Variants in ZBTB1 observed in about 807,000 individuals in gnomAD.
ZBTB1 encodes the protein zinc finger and BTB domain containing 1, also known as zinc finger and BTB domain-containing protein 1.
Under a neutral mutation model 51.6 loss-of-function variants are expected in ZBTB1, and 13 were observed. The observed-to-expected ratio is 0.25, with a 90% CI of 0.16 to 0.40. ZBTB1 has a LOEUF of 0.40. Among genes scored for constraint, ZBTB1 ranks in the 10% least tolerant of loss-of-function variants. The pLI is 1.00. For missense variants in ZBTB1, 567 were observed against 856.5 expected, an observed-to-expected ratio of 0.66 and a Z score of 4.22; for synonymous variants, 240 against 282.2, an observed-to-expected ratio of 0.85 and a Z score of 1.50.
chr14:64,530,544 T>C (rs558589176), intron 2 of ZBTB1, among the ~76,000 whole-genome samples: 2 of 151,914 alleles, frequency 1.3e-5, no homozygotes, highest in South Asian at 4.2e-4. Flanking sequence ...GAGATGGAGG[T>C]TGCACTGAGC....
downstream of ZBTB1, among the ~76,000 whole-genome samples, chr14:64,525,377 C>G (rs1270878151): frequency 6.6e-6 from 1 of 152,122 alleles, no homozygotes; most frequent in Admixed American, 6.5e-5. Flanking sequence ...TACTTAGATA[C>G]AATAGTTTAT....
intron 1 of ZBTB1, among the ~76,000 whole-genome samples, chr14:64,514,688 A>G (rs2079761539): frequency 6.6e-6 from 1 of 152,256 alleles, no homozygotes; most frequent in Admixed American, 6.5e-5. Flanking sequence ...AAGCCACATT[A>G]CAGATAAAGA....
chr14:64,503,770 G>T, upstream of ZBTB1: 1 of 263,064 alleles, frequency 3.8e-6, no homozygotes, highest in South Asian at 1.4e-4. Flanking sequence ...GCCGCCTCTC[G>T]CGCGGCTTCC....
chr14:64,505,521 T>A (rs963948210), intron 1 of ZBTB1, among the ~76,000 whole-genome samples: 1 of 152,254 alleles, frequency 6.6e-6, no homozygotes, highest in African/African-American at 2.4e-5. Flanking sequence ...GGAAAAGATC[T>A]GTTTCTTGGG....
In ZBTB1 at chr14:64,513,821, C is replaced by T. The variant is rs139308052; in HGVS notation, c.-18-7666C>T. On this transcript the variant is annotated intron_variant, in intron 1 of 1. Transcript: ENST00000683701. ...GATTACAGGCATCCACTATCATGCC[C>T]GGCTGATTTTTGTATTTTTGTAGAG... Among the ~76,000 whole-genome samples, 1,321 of 152,252 alleles carry T rather than the reference C, an allele frequency of 8.7e-3. 24 individuals carry two copies. Among genetic ancestry groups the T allele is most frequent in the African/African-American group, 0.03 (1,243 of 41,540 alleles).
exon 3 of ZBTB1, chr14:64,532,587 A>G (rs1330346256): frequency 1.3e-5 from 2 of 152,156 alleles, no homozygotes; most frequent in African/African-American, 4.8e-5. Flanking sequence ...GAGAACAGAA[A>G]TGGTATTACT....
At chr14:64,508,909 A>G (rs2079693967) in intron 1 of ZBTB1, among the ~76,000 whole-genome samples, 1 of 152,232 alleles carries the variant, frequency 6.6e-6, no homozygotes, top group African/African-American at 2.4e-5. Flanking sequence ...CCTGATGTCA[A>G]GGAGCTTGCA....
Position 64,521,512 on chromosome 14 carries a change from A to C in ZBTB1, c.8A>C (p.Lys3Thr). 6.3e-7 allele frequency: 1 copy of C among 1,598,182 alleles called. No individual in the cohort carries two copies. The highest frequency in any genetic ancestry group is 2.2e-5 in the East Asian group (1 of 44,748). ...GTCTCTAATTAACAGAAGATGGCAA[A>C]GCCCAGCCACAGCAGCTATGTCCTT... MA[K>T]PSHSSYVLQQ... Residue 3 changes from lysine (K) to threonine (T), a missense_variant, in exon 2 of 2, where the codon AAG becomes ACG. Around this residue, in one of 5 missense-constraint regions of ZBTB1, gnomAD observed 69 missense variants for 136.4 expected, o/e 0.51. Coordinates refer to ENST00000683701, the MANE Select transcript of ZBTB1 (RefSeq NM_001123329.2).
chr14:64,513,911 C>T (rs1340919835), intron 1 of ZBTB1, among the ~76,000 whole-genome samples: 1 of 152,210 alleles, frequency 6.6e-6, no homozygotes, highest in Non-Finnish European at 1.5e-5. Flanking sequence ...CCACCCACCT[C>T]AGCCTCCCAA....
rs1287174773 is a variant in ZBTB1 at position 64,522,538 on chromosome 14, T to G, written c.1034T>G (p.Ile345Ser). The change falls in exon 2 of 2, where the codon ATT becomes AGT. Residue 345 changes from isoleucine (I) to serine (S), a missense_variant. Physicochemically the swap from Ile to Ser is moderately radical, Grantham distance 142. Coordinates refer to ENST00000683701, the MANE Select transcript of ZBTB1 (RefSeq NM_001123329.2). Reference sequence around the variant, plus strand: ...GATGAACTGAAAGACTTTAACATTATTAAAGTTACTGATAAAGACTGTAAT... The same window carrying G: ...GATGAACTGAAAGACTTTAACATTAGTAAAGTTACTGATAAAGACTGTAAT... ...PTDELKDFNIIKVTDKDCNES... is the reference protein window; with the variant it reads ...PTDELKDFNISKVTDKDCNES... 6.2e-7 allele frequency: 1 copy of G among 1,613,792 alleles called. No homozygotes were observed. Among genetic ancestry groups the G allele is most frequent in the African/African-American group, 1.3e-5 (1 of 74,886 alleles).
At chr14:64,506,842 A>C (rs537887302) in intron 1 of ZBTB1, among the ~76,000 whole-genome samples, 2 of 152,148 alleles carry the variant, frequency 1.3e-5, no homozygotes, top group African/African-American at 4.8e-5. Flanking sequence ...ACCATATTTA[A>C]CCAGGGCCTT....
intron 1 of ZBTB1, chr14:64,514,475 T>C (rs2079759491): frequency 6.6e-6 from 1 of 152,226 alleles, no homozygotes; most frequent in African/African-American, 2.4e-5. Flanking sequence ...TGCTTATTTA[T>C]AGACCCTTAA....
Position 64,523,982 on chromosome 14 carries a change from G to GTTTTT in ZBTB1, c.*345_*349dup. On this transcript the variant is annotated 3_prime_UTR_variant, in exon 2 of 2. Transcript: ENST00000683701. The surrounding 1 kb of genome is among the most constrained non-coding windows in gnomAD (Gnocchi z 4.5). ...GGTGATGACTTCACTATTTCTATGT[G>GTTTTT]TTTTTTTTTTTTTAAGGTTATCCTG... The GTTTTT allele has an allele frequency of 1.2e-6, 1 of 850,462 alleles. No individual in the cohort carries two copies. Among genetic ancestry groups the GTTTTT allele is most frequent in the Non-Finnish European group, 1.4e-6 (1 of 701,916 alleles). The allele number at this position is 850,462 out of a possible 1,614,324, so 52.7% of individuals were successfully genotyped here. A position where few individuals can be genotyped will look rare whatever the true frequency, so the allele number is the denominator to read the frequency against.
intron 2 of ZBTB1, among the ~76,000 whole-genome samples, chr14:64,530,143 C>T (rs2079932339): frequency 1.3e-5 from 2 of 152,212 alleles, no homozygotes; most frequent in African/African-American, 4.8e-5. Flanking sequence ...TATTTCTATA[C>T]TACTATGTTA....
intron 1 of ZBTB1, among the ~76,000 whole-genome samples, chr14:64,507,833 C>T (rs543291974): frequency 6.6e-6 from 1 of 152,226 alleles, no homozygotes; most frequent in South Asian, 2.1e-4. Context: ...CAAACCCTCA[C>T]CTTTATAGAG....
At chr14:64,505,660 C>T (rs1057039294) in intron 1 of ZBTB1, among the ~76,000 whole-genome samples, 2 of 152,200 alleles carry the variant, frequency 1.3e-5, no homozygotes, top group Non-Finnish European at 2.9e-5. Context: ...CACCCAGTCT[C>T]CCTTTCTACC....
downstream of ZBTB1, among the ~76,000 whole-genome samples, chr14:64,528,532 G>A: frequency 6.6e-6 from 1 of 152,050 alleles, no homozygotes; most frequent in Non-Finnish European, 1.5e-5. Flanking sequence ...ACATACCCTT[G>A]TAGAATCCCT....
At chr14:64,515,514 C>T (rs948902990) in intron 1 of ZBTB1, among the ~76,000 whole-genome samples, 21 of 143,972 alleles carry the variant, frequency 1.5e-4, no homozygotes, top group Non-Finnish European at 2.6e-4. Context: ...AAGTGAATGC[C>T]TCATAATTTT....
intron 1 of ZBTB1, among the ~76,000 whole-genome samples, chr14:64,513,145 C>G (rs754941752): frequency 6.6e-6 from 1 of 152,010 alleles, no homozygotes; most frequent in Non-Finnish European, 1.5e-5. Flanking sequence ...GATACATACA[C>G]AGATATGCAC....
Sources: gnomAD v4.1 joint callset for allele counts (sites outside exome capture counted in the v4.1 genomes callset) on GRCh38, gnomAD v4.1.1 for gene constraint, gnomAD v4.1.1 regional missense constraint, Gnocchi (gnomAD v3.1) non-coding constraint, MANE v1.5 for transcripts, NCBI Gene and HGNC (gene_info 2026-07-23, HGNC 2026-07-21) for gene names.